The following CAMTA1 variants were observed in gnomAD, a reference collection of about 807,000 sequenced individuals.
CAMTA1 encodes the protein calmodulin binding transcription activator 1.
CAMTA1 carries 27 observed loss-of-function variants against 170.9 expected under a neutral mutation model. The ratio of observed to expected loss-of-function variants is 0.16; its 90% CI spans 0.12 to 0.22. The LOEUF is 0.22. CAMTA1 is among the 10% of genes least tolerant of loss of function. CAMTA1 has a pLI of 1.00. For synonymous variants in CAMTA1, 833 were observed against 891.5 expected (o/e 0.93, Z 1.17); for missense variants, 1,619 against 2,217.2 (o/e 0.73, Z 5.42).
chr1:7,276,315 T>TTTTTTTTTTTTTTTTTTTTTC (rs1670713432), intron 5 of CAMTA1, among the ~76,000 whole-genome samples: 2 of 72,832 alleles, frequency 2.7e-5, no homozygotes, highest in African/African-American at 1.5e-4. Flanking sequence ...TTTTTTTTTT[T>TTTTTTTTTTTTTTTTTTTTTC]TTTTTTCTTT....
At chr1:7,008,669 A>G (rs1286207150) in intron 3 of CAMTA1, 1 of 152,226 alleles carries the variant, frequency 6.6e-6, no homozygotes, top group Non-Finnish European at 1.5e-5. Flanking sequence ...AAATTTCATA[A>G]GGCGTTGGGA....
At chr1:7,002,001 A>G (rs1015064371) in intron 3 of CAMTA1, among the ~76,000 whole-genome samples, 1 of 150,874 alleles carries the variant, frequency 6.6e-6, no homozygotes, top group Non-Finnish European at 1.5e-5. Flanking sequence ...GGTTCAAGCA[A>G]TTCTCCTGCC....
chr1:7,704,441 A>C (rs919007701), intron 11 of CAMTA1, among the ~76,000 whole-genome samples: 1 of 142,944 alleles, frequency 7.0e-6, no homozygotes, highest in African/African-American at 2.5e-5. Context: ...AGCGGCGGGG[A>C]CCGCGTCGCG....
chr1:7,304,855 A>G (rs910940920), intron 5 of CAMTA1, among the ~76,000 whole-genome samples: 4 of 152,056 alleles, frequency 2.6e-5, no homozygotes, highest in Non-Finnish European at 5.9e-5. Context: ...AGACATTTAA[A>G]AAAGTGTAAG....
chr1:6,897,254 TGGG>T lies in CAMTA1; in HGVS notation c.234+72047_234+72049del, dbSNP rs150288150. Among the ~76,000 whole-genome samples, 909 of 152,196 alleles carry T rather than the reference TGGG, an allele frequency of 6.0e-3. 6 individuals are homozygous for T. Among genetic ancestry groups the T allele is most frequent in the Non-Finnish European group, 8.2e-3 (555 of 68,012 alleles). On this transcript the variant is annotated intron_variant, in intron 3 of 22. Transcript: ENST00000303635. ...GATGTGTGAAATGAAGGTGGGAAGA[TGGG>T]GGTGGAAAATGGGTTTTGACCAACA...
intron 4 of CAMTA1, among the ~76,000 whole-genome samples, chr1:7,177,619 C>T (rs1051750843): frequency 6.6e-6 from 1 of 151,728 alleles, no homozygotes; most frequent in African/African-American, 2.4e-5. Context: ...ACTGAGACTC[C>T]TCCCACACAC....
chr1:7,073,368 CA>C (rs1160769480), intron 3 of CAMTA1, among the ~76,000 whole-genome samples: 1 of 152,054 alleles, frequency 6.6e-6, no homozygotes, highest in African/African-American at 2.4e-5. Flanking sequence ...GCCTGGAGTT[CA>C]GAGGGAGAAG....
chr1:7,739,157 G>A (rs1456221965), intron 16 of CAMTA1, among the ~76,000 whole-genome samples: 1 of 145,888 alleles, frequency 6.9e-6, no homozygotes, highest in African/African-American at 2.5e-5. Context: ...CTAAAAACAT[G>A]TTTGAATTCC....
chr1:6,864,526 C>T (rs373990145), intron 3 of CAMTA1, among the ~76,000 whole-genome samples: 4 of 152,156 alleles, frequency 2.6e-5, no homozygotes, highest in African/African-American at 4.8e-5. Context: ...TGCTTAAGCT[C>T]GTCTCTTGTC....
chr1:7,647,826 G>C (rs2095820022), intron 7 of CAMTA1, among the ~76,000 whole-genome samples: 1 of 152,252 alleles, frequency 6.6e-6, no homozygotes, highest in Non-Finnish European at 1.5e-5. Flanking sequence ...GCTTACGCCT[G>C]TAATCCCAGC....
intron 3 of CAMTA1, among the ~76,000 whole-genome samples, chr1:6,830,776 A>G (rs1222176788): frequency 5.3e-5 from 8 of 152,032 alleles, no homozygotes; most frequent in Admixed American, 2.6e-4. Context: ...GCACATTTCT[A>G]TCACCCCATA....
intron 22 of CAMTA1, among the ~76,000 whole-genome samples, chr1:7,765,283 G>C (rs1407773113): frequency 2.6e-5 from 4 of 152,160 alleles, no homozygotes; most frequent in Admixed American, 6.5e-5. Context: ...TGTCAGTGTA[G>C]AGAAATACTC....
chr1:7,497,720 C>T (rs1310131579), intron 6 of CAMTA1, among the ~76,000 whole-genome samples: 1 of 152,184 alleles, frequency 6.6e-6, no homozygotes, highest in Non-Finnish European at 1.5e-5. Flanking sequence ...ACTCAGGGCC[C>T]AGAAGAGAAT....
At chr1:7,582,639 C>G (rs1018786733) in intron 6 of CAMTA1, among the ~76,000 whole-genome samples, 10 of 152,174 alleles carry the variant, frequency 6.6e-5, no homozygotes, top group Admixed American at 6.5e-4. Flanking sequence ...GCTGCTCTAA[C>G]TCCAGCCATC....
chr1:7,027,843 C>T (rs1702222776), intron 3 of CAMTA1, among the ~76,000 whole-genome samples: 1 of 152,026 alleles, frequency 6.6e-6, no homozygotes, highest in Non-Finnish European at 1.5e-5. Flanking sequence ...TTGTTCCCTT[C>T]AGTAGTAATG....
chr1:7,064,286 C>T lies in CAMTA1; in HGVS notation c.235-27018C>T, dbSNP rs7546792. 0.47 allele frequency among the ~76,000 whole-genome samples: 70,963 copies of T among 151,710 alleles called. 17,475 individuals carry two copies. Among genetic ancestry groups the T allele is most frequent in the African/African-American group, 0.62 (25,625 of 41,288 alleles). ...TTGTTCTCTCTCTCTCACTCTCTCC[C>T]TCCCTCCCTCTCTCCTTATGAAGCC... On this transcript the variant is annotated intron_variant, in intron 3 of 22. Coordinates refer to ENST00000303635, the MANE Select transcript of CAMTA1 (RefSeq NM_015215.4). This position sits in a 1 kb window ranked among gnomAD's most constrained non-coding sequence, Gnocchi z 5.4.
At chr1:7,427,831 T>C (rs887717869) in intron 5 of CAMTA1, among the ~76,000 whole-genome samples, 3 of 152,176 alleles carry the variant, frequency 2.0e-5, no homozygotes, top group Admixed American at 6.5e-5. Flanking sequence ...CCCTCAGACA[T>C]TGCAGGTCCT....
At position 7,237,514 on chromosome 1, in the gene CAMTA1, G is replaced by GT. The variant is rs368675709; in HGVS notation, c.303-11977_303-11976insT. On this transcript the variant is annotated intron_variant, in intron 4 of 22. Transcript: ENST00000303635. ...GAACCAGACCTGTTTTGGATGCATTGATTTCTAAAGCAAGACGCTGGAAAG... is the reference window on the plus strand; with the variant it reads ...GAACCAGACCTGTTTTGGATGCATTGTATTTCTAAAGCAAGACGCTGGAAAG... Among the ~76,000 whole-genome samples the GT allele has an allele frequency of 2.5e-3, 384 of 152,310 alleles. 3 individuals carry two copies. Among genetic ancestry groups the GT allele is most frequent in the African/African-American group, 7.7e-3 (319 of 41,584 alleles).
chr1:7,704,680 C>T (rs943125057), intron 11 of CAMTA1, among the ~76,000 whole-genome samples: 1 of 148,110 alleles, frequency 6.8e-6, no homozygotes, highest in Non-Finnish European at 1.5e-5. Context: ...AGCTCACCGC[C>T]GCGCCCCGCC....
Sources: allele counts gnomAD v4.1 joint callset (sites outside exome capture counted in the v4.1 genomes callset), GRCh38; gene constraint gnomAD v4.1.1; non-coding constraint Gnocchi (gnomAD v3.1); transcripts MANE v1.5; gene names NCBI Gene and HGNC (gene_info 2026-07-23, HGNC 2026-07-21).